The following RBFOX1 variants were observed in gnomAD, a reference collection of about 807,000 sequenced individuals.
RBFOX1 encodes the protein RNA binding fox-1 homolog 1.
A neutral mutation model predicts 57.7 loss-of-function variants in RBFOX1; 8 were observed. The observed-to-expected ratio is 0.14, with a 90% CI of 0.08 to 0.25. The LOEUF is 0.25. Ranked by LOEUF, RBFOX1 falls within the 10% of genes least tolerant of loss-of-function variation. The probability of loss-of-function intolerance (pLI) is 1.00; values close to 1 mark genes in which losing one functional copy is unlikely to be tolerated. For synonymous variants in RBFOX1, 326 were observed against 222.4 expected, an observed-to-expected ratio of 1.47 and a Z score of -4.15; for missense variants, 611 against 548.5, an observed-to-expected ratio of 1.11 and a Z score of -1.14.
At chr16:5,605,356 C>T (rs192800127) in intron 3 of RBFOX1, among the ~76,000 whole-genome samples, 2 of 152,314 alleles carry the variant, frequency 1.3e-5, no homozygotes, top group Admixed American at 6.5e-5. Context: ...GAGTAGGTAA[C>T]ACCTCATTTA....
chr16:6,765,425 G>A (rs1165877291), intron 3 of RBFOX1, among the ~76,000 whole-genome samples: 1 of 152,088 alleles, frequency 6.6e-6, no homozygotes, highest in Admixed American at 6.6e-5. Flanking sequence ...TAACTGTTGA[G>A]TATTAGACTG....
At chr16:7,636,862 A>G (rs1040067182) in intron 11 of RBFOX1, among the ~76,000 whole-genome samples, 1 of 152,080 alleles carries the variant, frequency 6.6e-6, no homozygotes, top group Non-Finnish European at 1.5e-5. Flanking sequence ...AGAGAGAGGA[A>G]TAGAGCAATC....
chr16:6,832,364 A>T (rs4786943), intron 3 of RBFOX1, among the ~76,000 whole-genome samples: 16,579 of 152,166 alleles, frequency 0.11, 1,102 homozygotes, highest in Admixed American at 0.19. Context: ...AGAGAAATGG[A>T]TTATTGGTAG....
At chr16:7,660,404 C>G (rs767159312) in intron 12 of RBFOX1, among the ~76,000 whole-genome samples, 20 of 152,170 alleles carry the variant, frequency 1.3e-4, no homozygotes, top group Non-Finnish European at 2.2e-4. Flanking sequence ...CTAACTGTTC[C>G]GTGGTTAATT....
At chr16:6,479,187 C>A (rs1006966302) in intron 2 of RBFOX1, among the ~76,000 whole-genome samples, 1 of 152,122 alleles carries the variant, frequency 6.6e-6, no homozygotes, top group African/African-American at 2.4e-5. Flanking sequence ...CCTGAGACTG[C>A]GTAGTTTATA....
chr16:6,002,838 G>A (rs139921995), intron 4 of RBFOX1, among the ~76,000 whole-genome samples: 1 of 152,198 alleles, frequency 6.6e-6, no homozygotes, highest in Non-Finnish European at 1.5e-5. Context: ...GTGGTTTGTG[G>A]ACTCCCATAG....
chr16:5,917,692 G>C (rs557714191), intron 4 of RBFOX1, among the ~76,000 whole-genome samples: 1 of 152,238 alleles, frequency 6.6e-6, no homozygotes, highest in Admixed American at 6.5e-5. Flanking sequence ...GCCATCCACC[G>C]TTTCTTCCCT....
At position 5,572,849 on chromosome 16, in the gene RBFOX1, T is replaced by C. The variant is rs369489933; in HGVS notation, c.259-26053T>C. Among the ~76,000 whole-genome samples the C allele has an allele frequency of 1.5e-4, 23 of 152,236 alleles. No individual in the cohort carries two copies. In the East Asian group the frequency reaches 3.7e-3, roughly 24 times the overall value. On this transcript the variant is annotated intron_variant, in intron 2 of 2. Transcript: ENST00000585867. ...TGCAGTGGACTATGTAGGAATAGAA[T>C]GAGCAAAGGCAAAGGTACTCAGGGT... is the stretch of plus-strand genomic sequence containing the variant.
chr16:7,164,618 A>T (rs1047018294), intron 4 of RBFOX1, among the ~76,000 whole-genome samples: 1 of 152,214 alleles, frequency 6.6e-6, no homozygotes, highest in Non-Finnish European at 1.5e-5. Context: ...AATAACGTGT[A>T]ATTTCTTTTC....
Position 7,516,723 on chromosome 16 carries a change from A to T in RBFOX1, c.28-1424A>T, listed in dbSNP as rs534126777. ...CTGATGGGAATGATTTACTTGTAAA[A>T]TGTTTAAACTTATCCTAAGCTTAGT... On this transcript the variant is annotated intron_variant, in intron 4 of 15. Coordinates refer to ENST00000550418, the MANE Select transcript of RBFOX1 (RefSeq NM_018723.4). Among the ~76,000 whole-genome samples, 19 of 152,326 alleles carry T rather than the reference A, an allele frequency of 1.2e-4. No individual in the cohort carries two copies. In the South Asian group the frequency reaches 2.9e-3, roughly 23 times the overall value.
intron 4 of RBFOX1, among the ~76,000 whole-genome samples, chr16:7,147,171 T>C (rs1030738636): frequency 2.0e-5 from 3 of 147,220 alleles, no homozygotes; most frequent in South Asian, 4.4e-4. Flanking sequence ...TATTTTTTAT[T>C]TTTTTGTAGT....
At chr16:5,884,504 C>G (rs2057848613) in intron 4 of RBFOX1, among the ~76,000 whole-genome samples, 2 of 142,230 alleles carry the variant, frequency 1.4e-5, no homozygotes, top group Admixed American at 1.5e-4. Context: ...CACAGCTGGA[C>G]TACATTTCCC....
intron 4 of RBFOX1, among the ~76,000 whole-genome samples, chr16:7,340,828 A>G (rs892148172): frequency 6.6e-6 from 1 of 152,216 alleles, no homozygotes; most frequent in African/African-American, 2.4e-5. Context: ...GACACTGTCA[A>G]TCTCTTCTGA....
intron 3 of RBFOX1, among the ~76,000 whole-genome samples, chr16:6,919,679 C>T (rs79896689): frequency 0.012 from 1,772 of 151,234 alleles, 34 homozygotes; most frequent in East Asian, 0.092. Flanking sequence ...AATCCAGATC[C>T]ATAAGACATT....
intron 1 of RBFOX1, among the ~76,000 whole-genome samples, chr16:6,110,884 A>C (rs1212732889): frequency 1.3e-5 from 2 of 152,200 alleles, no homozygotes; most frequent in African/African-American, 4.8e-5. Flanking sequence ...CACCACAAAG[A>C]ATTACCTGGC....
rs570612112 is a variant in RBFOX1 at position 6,817,352 on chromosome 16, G to A, written c.-16+162702G>A. ...AGGACCCTGCTTACCTGTTAGCTGC[G>A]TGTGTCACCCTTCTTTAGTGTCTCA... On this transcript the variant is annotated intron_variant, in intron 3 of 15. Coordinates refer to ENST00000550418, the MANE Select transcript of RBFOX1 (RefSeq NM_018723.4). Among the ~76,000 whole-genome samples, 14 of 152,068 alleles carry A rather than the reference G, an allele frequency of 9.2e-5. No homozygotes were observed. In the East Asian group the frequency reaches 1.6e-3, roughly 17 times the overall value.
intron 1 of RBFOX1, among the ~76,000 whole-genome samples, chr16:6,063,180 T>A (rs1209315954): frequency 6.6e-6 from 1 of 151,940 alleles, no homozygotes; most frequent in Admixed American, 6.6e-5. Context: ...TCCTTTATCA[T>A]CTTGATGAGC....
At chr16:6,978,941 C>G (rs571559679) in intron 3 of RBFOX1, among the ~76,000 whole-genome samples, 4 of 152,314 alleles carry the variant, frequency 2.6e-5, no homozygotes, top group African/African-American at 7.2e-5. Context: ...CCACACCCAT[C>G]TTGGTGGAGA....
chr16:6,993,632 G>C (rs193074036), intron 3 of RBFOX1, among the ~76,000 whole-genome samples: 2 of 152,108 alleles, frequency 1.3e-5, no homozygotes, highest in Non-Finnish European at 2.9e-5. Context: ...CCACTCAGCC[G>C]GGCCACTTCT....
Sources: allele counts gnomAD v4.1 joint callset (sites outside exome capture counted in the v4.1 genomes callset), GRCh38; gene constraint gnomAD v4.1.1; transcripts MANE v1.5; gene names NCBI Gene and HGNC (gene_info 2026-07-23, HGNC 2026-07-21).